STX8: variants seen among roughly 807,000 people sequenced by gnomAD.
STX8 encodes the protein syntaxin 8.
A neutral mutation model predicts 37.5 loss-of-function variants in STX8; 23 were observed. The ratio of observed to expected loss-of-function variants is 0.61; its 90% confidence interval spans 0.44 to 0.87. STX8 has a LOEUF of 0.87. STX8 is among the 40% of genes least tolerant of loss of function. The pLI, the probability that STX8 is intolerant of heterozygous loss-of-function variation, is 0.00. For synonymous variants in STX8, 115 were observed against 99.1 expected (o/e 1.16, Z -0.95); for missense variants, 313 against 284.7 (o/e 1.10, Z -0.71).
chr17:9,486,792 G>A (rs1342073897), intron 6 of STX8, among the ~76,000 whole-genome samples: 1 of 152,132 alleles, frequency 6.6e-6, no homozygotes, highest in Non-Finnish European at 1.5e-5. Flanking sequence ...CTGGGAGATG[G>A]AGGATGCAGT....
intron 7 of STX8, among the ~76,000 whole-genome samples, chr17:9,374,838 C>A (rs1461442220): frequency 6.6e-6 from 1 of 151,912 alleles, no homozygotes; most frequent in East Asian, 1.9e-4. Context: ...CTAAGGTGGG[C>A]AGATCACCTG....
chr17:9,308,372 G>A, intron 7 of STX8, among the ~76,000 whole-genome samples: 1 of 152,342 alleles, frequency 6.6e-6, no homozygotes, highest in East Asian at 1.9e-4. Context: ...AGTAGAATTA[G>A]AGGATTATTT....
intron 6 of STX8, among the ~76,000 whole-genome samples, chr17:9,482,165 A>G (rs1260438063): frequency 1.3e-5 from 2 of 152,116 alleles, no homozygotes; most frequent in African/African-American, 4.8e-5. Context: ...CCTGAGCAAC[A>G]CAGCAAGACC....
At chr17:9,313,107 C>G (rs1909250050) in intron 7 of STX8, among the ~76,000 whole-genome samples, 1 of 152,132 alleles carries the variant, frequency 6.6e-6, no homozygotes, top group Non-Finnish European at 1.5e-5. Flanking sequence ...AGGAGAATCA[C>G]TTCAATCTGG....
intron 7 of STX8, among the ~76,000 whole-genome samples, chr17:9,324,264 G>A (rs1460104015): frequency 6.6e-6 from 1 of 152,048 alleles, no homozygotes; most frequent in Non-Finnish European, 1.5e-5. Flanking sequence ...GCCCACAAAC[G>A]CTGCTCTTCC....
At chr17:9,360,680 A>G (rs1021418988) in intron 7 of STX8, among the ~76,000 whole-genome samples, 5 of 151,352 alleles carry the variant, frequency 3.3e-5, no homozygotes, top group Admixed American at 2.6e-4. Context: ...AAAAAAAAAA[A>G]GACTGTAGAA....
At chr17:9,293,784 T>A (rs899199159) in intron 7 of STX8, among the ~76,000 whole-genome samples, 6 of 151,160 alleles carry the variant, frequency 4.0e-5, no homozygotes, top group African/African-American at 1.2e-4. Flanking sequence ...TTTTTTGAGA[T>A]GGAGTCTCTG....
chr17:9,506,524 G>T (rs1347804069), intron 4 of STX8, among the ~76,000 whole-genome samples: 1 of 144,898 alleles, frequency 6.9e-6, no homozygotes, highest in Admixed American at 6.9e-5. Context: ...AGAGGCCCCT[G>T]TGGTGACTGA....
chr17:9,270,975 A>G (rs922687538), intron 7 of STX8, among the ~76,000 whole-genome samples: 6 of 152,188 alleles, frequency 3.9e-5, no homozygotes, highest in African/African-American at 9.7e-5. Context: ...CCCATTTTGT[A>G]TTGAATCAAA....
chr17:9,277,418 G>A (rs1907714960), intron 7 of STX8, among the ~76,000 whole-genome samples: 1 of 151,792 alleles, frequency 6.6e-6, no homozygotes, highest in South Asian at 2.1e-4. Context: ...GTGAAGGCAG[G>A]GTCTCAATGG....
At chr17:9,317,866 G>A (rs1234484362) in intron 7 of STX8, among the ~76,000 whole-genome samples, 1 of 152,094 alleles carries the variant, frequency 6.6e-6, no homozygotes. Flanking sequence ...AGGTGTTGCT[G>A]TCCTAGAACA....
intron 7 of STX8, among the ~76,000 whole-genome samples, chr17:9,344,024 T>C (rs554083639): frequency 8.5e-5 from 13 of 152,200 alleles, no homozygotes; most frequent in African/African-American, 3.1e-4. Flanking sequence ...AGTGGCACAA[T>C]GAAAAAAGTT....
Position 9,474,467 on chromosome 17 carries a change from G to T in STX8, c.541+17362C>A, listed in dbSNP as rs551077548. ...GGCTCACTGCAACCTCCGCCTCCCG[G>T]GTTCAAGTGATTCTCCTGCCTCAGC... On this transcript the variant is annotated intron_variant, in intron 6 of 7. Transcript: ENST00000306357. Among the ~76,000 whole-genome samples the T allele has an allele frequency of 4.6e-5, 7 of 152,086 alleles. No individual in the cohort carries two copies. The South Asian group carries it at 1.0e-3, about 23-fold the overall frequency.
chr17:9,420,113 T>C (rs1393503116), intron 6 of STX8, among the ~76,000 whole-genome samples: 1 of 152,164 alleles, frequency 6.6e-6, no homozygotes, highest in Non-Finnish European at 1.5e-5. Flanking sequence ...TGGTGAAAAA[T>C]TAGAAAAGCA....
At chr17:9,543,300 G>GTTT (rs34779697) in intron 4 of STX8, among the ~76,000 whole-genome samples, 4 of 148,780 alleles carry the variant, frequency 2.7e-5, no homozygotes, top group Middle Eastern at 3.5e-3. Flanking sequence ...CAGTTTTTTG[G>GTTT]TTTTTTTTTT....
intron 6 of STX8, among the ~76,000 whole-genome samples, chr17:9,489,013 A>G (rs2142471164): frequency 6.6e-6 from 1 of 152,216 alleles, no homozygotes; most frequent in Middle Eastern, 3.4e-3. Flanking sequence ...AGTAGCTGGG[A>G]CTACAGGCGC....
intron 4 of STX8, among the ~76,000 whole-genome samples, chr17:9,510,427 T>A (rs537042578): frequency 6.6e-6 from 1 of 152,172 alleles, no homozygotes; most frequent in South Asian, 2.1e-4. Context: ...ATACCAAGTA[T>A]CCTATTTAAC....
intron 1 of STX8, 38 bp downstream of exon 1, chr17:9,575,754 G>A: frequency 6.5e-7 from 1 of 1,546,018 alleles, no homozygotes; most frequent in African/African-American, 1.4e-5. Context: ...CCTCCCCGAA[G>A]GTCCCTCCAC....
At chr17:9,345,483 G>C (rs1386520293) in intron 7 of STX8, among the ~76,000 whole-genome samples, 2 of 152,086 alleles carry the variant, frequency 1.3e-5, no homozygotes, top group East Asian at 1.9e-4. Flanking sequence ...GTTGCCATTT[G>C]AATTTGTGAC....
Sources: allele counts gnomAD v4.1 joint callset (sites outside exome capture counted in the v4.1 genomes callset), GRCh38; gene constraint gnomAD v4.1.1; transcripts MANE v1.5; gene names NCBI Gene and HGNC (gene_info 2026-07-23, HGNC 2026-07-21).